The following GABRG3 variants were observed in gnomAD, a reference collection of about 807,000 sequenced individuals.
GABRG3 encodes the protein gamma-aminobutyric acid receptor subunit gamma-3.
A neutral mutation model predicts 48.8 loss-of-function variants in GABRG3; 25 were observed. The ratio of observed to expected loss-of-function variants is 0.51; its 90% CI spans 0.37 to 0.72. The LOEUF is 0.72. GABRG3 is among the 30% of genes least tolerant of loss of function. The pLI is 0.00. For missense variants in GABRG3, 394 were observed against 577.9 expected, an observed-to-expected ratio of 0.68 and a Z score of 3.26; for synonymous variants, 227 against 217.6, an observed-to-expected ratio of 1.04 and a Z score of -0.38.
At chr15:27,292,883 TG>T (rs1891842060) in intron 3 of GABRG3, among the ~76,000 whole-genome samples, 1 of 152,174 alleles carries the variant, frequency 6.6e-6, no homozygotes, top group African/African-American at 2.4e-5. Context: ...CCATAGCAAC[TG>T]GGAGATCTGC....
intron 3 of GABRG3, among the ~76,000 whole-genome samples, chr15:27,062,106 C>T (rs74006571): frequency 0.074 from 11,196 of 152,240 alleles, 381 homozygotes; most frequent in Middle Eastern, 0.11. Context: ...TCTGAGTCTT[C>T]CTGTCCCATG....
intron 3 of GABRG3, among the ~76,000 whole-genome samples, chr15:27,061,446 CT>C (rs35770540): frequency 0.44 from 62,085 of 142,526 alleles, 14,510 homozygotes; most frequent in Non-Finnish European, 0.56. Flanking sequence ...GGTAACTGCT[CT>C]TTTTTTTTTT....
At chr15:27,332,175 G>C (rs985346679) in intron 5 of GABRG3, among the ~76,000 whole-genome samples, 1 of 152,124 alleles carries the variant, frequency 6.6e-6, no homozygotes, top group African/African-American at 2.4e-5. Flanking sequence ...CCACATGATG[G>C]GTGTCCATTT....
At chr15:27,516,116 A>C (rs1459511335) in intron 6 of GABRG3, among the ~76,000 whole-genome samples, 1 of 151,424 alleles carries the variant, frequency 6.6e-6, no homozygotes, top group Admixed American at 6.6e-5. Flanking sequence ...TTCAGAAAAA[A>C]AAAAAAACAC....
In GABRG3 at chr15:27,148,652, C is replaced by A. The variant is rs578214239; in HGVS notation, c.270+121831C>A. Among the ~76,000 whole-genome samples the A allele has an allele frequency of 7.2e-5, 11 of 151,958 alleles. No individual in the cohort carries two copies. In the East Asian group the frequency reaches 2.1e-3, roughly 29 times the overall value. On this transcript the variant is annotated intron_variant, in intron 3 of 9. Coordinates refer to ENST00000615808, the MANE Select transcript of GABRG3 (RefSeq NM_033223.5). ...CAGCAACATATAATATGATTATACA[C>A]CAGTGACCAAGTAGTATCTAAAAAA...
At chr15:27,131,366 T>C (rs1343612291) in intron 3 of GABRG3, among the ~76,000 whole-genome samples, 2 of 152,130 alleles carry the variant, frequency 1.3e-5, no homozygotes, top group Non-Finnish European at 2.9e-5. Context: ...AAACTATCCT[T>C]GTTTTTCAGG....
chr15:27,444,634 A>G (rs1472226539), intron 5 of GABRG3, among the ~76,000 whole-genome samples: 1 of 152,142 alleles, frequency 6.6e-6, no homozygotes. Context: ...TAATATATCT[A>G]ATATGTTTGG....
rs2140552901 is a variant in GABRG3, at chr15:27,367,764, T to C, written c.574+38876T>C. Among the ~76,000 whole-genome samples the C allele has an allele frequency of 1.3e-5, 2 of 152,324 alleles. 1 individual carries two copies. On this transcript the variant is annotated intron_variant, in intron 5 of 9. Transcript: ENST00000615808. ...TCACCTAATTATGCATTAATTATAA[T>C]ATCTATTCTGTGCCATGTGGTCCTT...
intron 3 of GABRG3, among the ~76,000 whole-genome samples, chr15:27,039,779 C>G (rs1290574203): frequency 6.6e-6 from 1 of 152,198 alleles, no homozygotes; most frequent in African/African-American, 2.4e-5. Flanking sequence ...ATACCAGACC[C>G]TGTCGGTGTG....
Position 27,313,260 on chromosome 15 carries a change from GTGTATATATATATATATATA to G in GABRG3, c.271-13547_271-13528del, listed in dbSNP as rs1249624881. Among the ~76,000 whole-genome samples the G allele has an allele frequency of 4.8e-3, 240 of 49,556 alleles. 4 individuals carry two copies. The highest frequency in any genetic ancestry group is 0.018 in the African/African-American group (198 of 11,294). 32.5% of individuals were successfully genotyped at this position (49,556 alleles called of 152,430 possible). A position where few individuals can be genotyped will look rare whatever the true frequency, so the allele number is the denominator to read the frequency against. On this transcript the variant is annotated intron_variant, in intron 3 of 9. Transcript: ENST00000615808. ...TATATATGTGTGTGTGTGTGTGTGT[GTGTATATATATATATATATA>G]TATATATATATATATATATATATAT...
intron 5 of GABRG3, among the ~76,000 whole-genome samples, chr15:27,371,767 A>G (rs28597916): frequency 0.16 from 23,906 of 151,936 alleles, 2,962 homozygotes; most frequent in African/African-American, 0.35. Flanking sequence ...TAATGAATTC[A>G]TCATCTCACA....
At chr15:27,151,900 C>T (rs1898322933) in intron 3 of GABRG3, among the ~76,000 whole-genome samples, 2 of 152,226 alleles carry the variant, frequency 1.3e-5, no homozygotes, top group Middle Eastern at 3.4e-3. Flanking sequence ...ATTCTAGGTA[C>T]CTAGTCCTTT....
intron 3 of GABRG3, among the ~76,000 whole-genome samples, chr15:27,090,733 G>A (rs1173898721): frequency 6.6e-6 from 1 of 152,072 alleles, no homozygotes; most frequent in East Asian, 1.9e-4. Flanking sequence ...TTATCCCTAA[G>A]TATTTTTGAC....
chr15:27,285,254 GGTGTGTGTGTGTGTGTGTGT>G (rs60880658), intron 3 of GABRG3, among the ~76,000 whole-genome samples: 4,296 of 142,550 alleles, frequency 0.03, 220 homozygotes, highest in African/African-American at 0.1. Context: ...TGAGCTTTCA[GGTGTGTGTGTGTGTGTGTGT>G]GTGTGTGTGT....
chr15:27,027,312 G>T (rs899842394), intron 3 of GABRG3, among the ~76,000 whole-genome samples: 7 of 152,218 alleles, frequency 4.6e-5, no homozygotes, highest in African/African-American at 1.4e-4. Context: ...ACGTTAGGGT[G>T]AGAGCCTTCT....
At chr15:27,306,653 T>TA (rs1392249471) in intron 3 of GABRG3, among the ~76,000 whole-genome samples, 1 of 61,144 alleles carries the variant, frequency 1.6e-5, no homozygotes, top group African/African-American at 6.3e-5. Context: ...TATAAACATA[T>TA]ATATGAACAT....
chr15:27,384,594 T>A (rs1895869018), intron 5 of GABRG3, among the ~76,000 whole-genome samples: 1 of 152,138 alleles, frequency 6.6e-6, no homozygotes. Flanking sequence ...TATTAGAGAA[T>A]CATGAAATTG....
chr15:27,427,345 A>G (rs1227309523), intron 5 of GABRG3, among the ~76,000 whole-genome samples: 1 of 152,232 alleles, frequency 6.6e-6, no homozygotes, highest in Admixed American at 6.5e-5. Flanking sequence ...GAAGTTGGCA[A>G]TAAACAGTGC....
chr15:27,176,292 T>C (rs554586266), intron 3 of GABRG3, among the ~76,000 whole-genome samples: 1 of 152,314 alleles, frequency 6.6e-6, no homozygotes, highest in African/African-American at 2.4e-5. Context: ...AAAGCACTAG[T>C]GCAAGTTGAG....
Sources: allele counts gnomAD v4.1 joint callset (sites outside exome capture counted in the v4.1 genomes callset), GRCh38; gene constraint gnomAD v4.1.1; transcripts MANE v1.5; gene names NCBI Gene and HGNC (gene_info 2026-07-23, HGNC 2026-07-21).